The following CXCL13 variants were observed in gnomAD, a reference collection of about 807,000 sequenced individuals.
CXCL13 encodes C-X-C motif chemokine 13.
CXCL13 carries 7 observed loss-of-function variants against 12.2 expected under a neutral mutation model. That is an observed-to-expected ratio of 0.57 (90% CI 0.33 to 1.07). CXCL13 has a LOEUF of 1.07. Ranked by LOEUF, CXCL13 falls within the 50% of genes least tolerant of loss-of-function variation. The pLI is 0.04. For missense variants in CXCL13, 113 were observed against 127.4 expected, an observed-to-expected ratio of 0.89 and a Z score of 0.55; for synonymous variants, 47 against 42.4, an observed-to-expected ratio of 1.11 and a Z score of -0.42.
intron 1 of CXCL13, among the ~76,000 whole-genome samples, chr4:77,586,891 G>A (rs1726484633): frequency 6.6e-6 from 1 of 152,190 alleles, no homozygotes; most frequent in African/African-American, 2.4e-5. Context: ...ATGAAGTATA[G>A]TTTGACCCCC....
At chr4:77,536,631 G>A (rs1479674009) in intron 1 of CXCL13, among the ~76,000 whole-genome samples, 1 of 152,204 alleles carries the variant, frequency 6.6e-6, no homozygotes, top group East Asian at 1.9e-4. Context: ...CTGGGTAAGA[G>A]TAAATACTCC....
intron 1 of CXCL13, among the ~76,000 whole-genome samples, chr4:77,539,580 A>G (rs920793040): frequency 3.9e-5 from 6 of 152,222 alleles, no homozygotes; most frequent in African/African-American, 1.4e-4. Flanking sequence ...CTGGAGTTGT[A>G]CACATGCTCA....
At chr4:77,605,780 A>G, upstream of CXCL13, 2 of 722,752 alleles carry the variant, frequency 2.8e-6, no homozygotes, top group Non-Finnish European at 4.5e-6. Flanking sequence ...GAGGGCCCTT[A>G]CTGGTATAAA....
intron 1 of CXCL13, among the ~76,000 whole-genome samples, chr4:77,582,124 G>C (rs1394724307): frequency 2.0e-5 from 3 of 152,146 alleles, no homozygotes; most frequent in Non-Finnish European, 4.4e-5. Flanking sequence ...TCGGTGGAAA[G>C]TGGATTTTCT....
intron 1 of CXCL13, among the ~76,000 whole-genome samples, chr4:77,532,679 A>C (rs1463770896): frequency 6.6e-6 from 1 of 152,224 alleles, no homozygotes; most frequent in Non-Finnish European, 1.5e-5. Flanking sequence ...ACTTTCAGGT[A>C]CACCAATCAG....
chr4:77,578,193 CTTGTT>C (rs1726237792), intron 1 of CXCL13, among the ~76,000 whole-genome samples: 1 of 152,278 alleles, frequency 6.6e-6, no homozygotes, highest in African/African-American at 2.4e-5. Context: ...ATCCACCCCC[CTTGTT>C]TTATTTTGAT....
At chr4:77,515,687 T>A (rs1290708861) in intron 1 of CXCL13, among the ~76,000 whole-genome samples, 5 of 151,230 alleles carry the variant, frequency 3.3e-5, no homozygotes, top group African/African-American at 1.2e-4. Context: ...AAGTTGCTTA[T>A]CAGCTTAAGA....
intron 1 of CXCL13, among the ~76,000 whole-genome samples, chr4:77,579,019 C>A (rs2109823094): frequency 6.6e-6 from 1 of 152,262 alleles, no homozygotes; most frequent in African/African-American, 2.4e-5. Flanking sequence ...TTGATCCTGC[C>A]CCAGCAAATG....
chr4:77,560,164 A>G (rs1725772364), intron 1 of CXCL13, among the ~76,000 whole-genome samples: 1 of 152,170 alleles, frequency 6.6e-6, no homozygotes, highest in Non-Finnish European at 1.5e-5. Context: ...ATATATGGAT[A>G]ATCTTTCATG....
intron 1 of CXCL13, among the ~76,000 whole-genome samples, chr4:77,552,255 T>G (rs1318295738): frequency 6.6e-6 from 1 of 152,178 alleles, no homozygotes; most frequent in African/African-American, 2.4e-5. Context: ...ATTTTTTGTT[T>G]TTCTTTCTTT....
At chr4:77,582,818 G>A (rs1726371362) in intron 1 of CXCL13, among the ~76,000 whole-genome samples, 1 of 152,178 alleles carries the variant, frequency 6.6e-6, no homozygotes, top group South Asian at 2.1e-4. Context: ...ATTGACAGAG[G>A]GTAGGTAAGA....
intron 2 of CXCL13, among the ~76,000 whole-genome samples, chr4:77,608,343 G>A (rs756689717): frequency 6.6e-6 from 1 of 151,998 alleles, no homozygotes; most frequent in Non-Finnish European, 1.5e-5. Context: ...GGGAGGCTGA[G>A]GCAGGAGAAC....
intron 1 of CXCL13, among the ~76,000 whole-genome samples, chr4:77,535,781 C>T (rs931207373): frequency 1.3e-5 from 2 of 152,142 alleles, no homozygotes; most frequent in Non-Finnish European, 2.9e-5. Context: ...AGCTGATAGA[C>T]ATTCAAGTGA....
At chr4:77,538,851 C>T (rs1442405820) in intron 1 of CXCL13, among the ~76,000 whole-genome samples, 3 of 152,104 alleles carry the variant, frequency 2.0e-5, no homozygotes, top group African/African-American at 4.8e-5. Context: ...GATATGTTAT[C>T]GGCAGCCAAT....
At chr4:77,519,540 C>A (rs1471898112) in intron 1 of CXCL13, among the ~76,000 whole-genome samples, 1 of 152,094 alleles carries the variant, frequency 6.6e-6, no homozygotes, top group Non-Finnish European at 1.5e-5. Context: ...CTGTTCATAT[C>A]CTTTGCCTAC....
At chr4:77,558,251 G>C (rs1401044194) in intron 1 of CXCL13, among the ~76,000 whole-genome samples, 1 of 152,262 alleles carries the variant, frequency 6.6e-6, no homozygotes, top group Admixed American at 6.5e-5. Context: ...TATGTAGGTG[G>C]CCCTTGATCC....
chr4:77,595,199 C>A (rs1012278909), intron 1 of CXCL13, among the ~76,000 whole-genome samples: 1 of 151,766 alleles, frequency 6.6e-6, no homozygotes, highest in African/African-American at 2.4e-5. Flanking sequence ...TACGGGCAGC[C>A]GCTGTTTTTG....
chr4:77,544,398 T>C (rs913775966), intron 1 of CXCL13, among the ~76,000 whole-genome samples: 4 of 152,196 alleles, frequency 2.6e-5, no homozygotes, highest in Non-Finnish European at 5.9e-5. Context: ...CCACATCCTC[T>C]CCAGCACCTG....
chr4:77,553,170 T>A (rs371362563), intron 1 of CXCL13, among the ~76,000 whole-genome samples: 111 of 152,318 alleles, frequency 7.3e-4, no homozygotes, highest in African/African-American at 1.7e-3. Flanking sequence ...AGATTCGTTG[T>A]CTGAGAGAAA....
Sources: allele counts gnomAD v4.1 joint callset (sites outside exome capture counted in the v4.1 genomes callset), GRCh38; gene constraint gnomAD v4.1.1; transcripts MANE v1.5; gene names NCBI Gene and HGNC (gene_info 2026-07-23, HGNC 2026-07-21).